ATG10: variants seen among roughly 807,000 people sequenced by gnomAD.
ATG10 encodes the protein autophagy related 10, also known as ubiquitin-like-conjugating enzyme ATG10.
Under a neutral mutation model 32.1 loss-of-function variants are expected in ATG10, and 30 were observed. The ratio of observed to expected loss-of-function variants is 0.94; its 90% CI spans 0.70 to 1.27. The LOEUF is 1.27. ATG10 is among the 50% of genes most tolerant of loss of function. The pLI is 0.00. For missense variants in ATG10, 233 were observed against 262.3 expected, an observed-to-expected ratio of 0.89 and a Z score of 0.77; for synonymous variants, 87 against 91.5, an observed-to-expected ratio of 0.95 and a Z score of 0.28.
rs567439667 is a variant in ATG10 at position 82,084,053 on chromosome 5, G to A, written c.216+25451G>A. Among the ~76,000 whole-genome samples, 11 of 152,220 alleles carry A rather than the reference G, an allele frequency of 7.2e-5. No individual in the cohort carries two copies. The East Asian group carries it at 1.7e-3, about 24-fold the overall frequency. ...TTCTCTGAGCTAAAAGAGGATGTTC[G>A]AACCCATCACAAAGAAGCTAAAAAC... On this transcript the variant is annotated intron_variant, in intron 3 of 7. Transcript: ENST00000282185.
At chr5:82,083,501 G>A (rs1022922736) in intron 3 of ATG10, among the ~76,000 whole-genome samples, 1 of 152,176 alleles carries the variant, frequency 6.6e-6, no homozygotes, top group African/African-American at 2.4e-5. Context: ...CCAGCACAGA[G>A]TTTGAGATCT....
intron 3 of ATG10, among the ~76,000 whole-genome samples, chr5:82,155,209 G>GC (rs1561329764): frequency 6.6e-6 from 1 of 152,130 alleles, no homozygotes; most frequent in Non-Finnish European, 1.5e-5. Flanking sequence ...CCAAACTTCA[G>GC]CCCATTGGAT....
At chr5:82,097,375 A>G (rs1227700751) in intron 3 of ATG10, among the ~76,000 whole-genome samples, 3 of 152,166 alleles carry the variant, frequency 2.0e-5, no homozygotes, top group African/African-American at 7.2e-5. Context: ...TCTTTTCACA[A>G]TTGCTTAAAT....
At chr5:82,082,158 G>A (rs1318111860) in intron 3 of ATG10, among the ~76,000 whole-genome samples, 3 of 152,208 alleles carry the variant, frequency 2.0e-5, no homozygotes, top group East Asian at 3.9e-4. Flanking sequence ...ATTTGGGGGG[G>A]GGGACACAGC....
chr5:82,189,179 A>G (rs577676119), intron 5 of ATG10, among the ~76,000 whole-genome samples: 2 of 152,360 alleles, frequency 1.3e-5, no homozygotes, highest in East Asian at 1.9e-4. Flanking sequence ...TAATACATAC[A>G]TATACTATAA....
intron 3 of ATG10, among the ~76,000 whole-genome samples, chr5:82,121,865 A>G (rs1027668501): frequency 9.3e-5 from 14 of 151,148 alleles, no homozygotes; most frequent in Non-Finnish European, 1.9e-4. Flanking sequence ...TCAGTTTGCA[A>G]GTATTTTGTT....
At chr5:82,155,856 T>A (rs187951925) in intron 3 of ATG10, among the ~76,000 whole-genome samples, 100 of 152,232 alleles carry the variant, frequency 6.6e-4, no homozygotes, top group African/African-American at 2.2e-3. Flanking sequence ...GGTGCAAAAT[T>A]TATTCCTTTT....
intron 2 of ATG10, among the ~76,000 whole-genome samples, chr5:82,030,834 T>C (rs1033041839): frequency 6.6e-6 from 1 of 152,198 alleles, no homozygotes; most frequent in Non-Finnish European, 1.5e-5. Context: ...TAAAATTGTG[T>C]GTTACTGTTA....
At chr5:82,012,940 G>A (rs923344617) in intron 2 of ATG10, among the ~76,000 whole-genome samples, 1 of 151,368 alleles carries the variant, frequency 6.6e-6, no homozygotes, top group East Asian at 1.9e-4. Context: ...TTACAGGGGT[G>A]ATCCATTGTA....
intron 2 of ATG10, among the ~76,000 whole-genome samples, chr5:82,041,306 T>G (rs1258978101): frequency 1.3e-5 from 2 of 152,242 alleles, no homozygotes; most frequent in African/African-American, 4.8e-5. Flanking sequence ...GGCAGAGATT[T>G]TATGTATCTT....
chr5:82,154,080 A>G (rs1473517830), intron 3 of ATG10, among the ~76,000 whole-genome samples: 1 of 152,200 alleles, frequency 6.6e-6, no homozygotes, highest in South Asian at 2.1e-4. Context: ...GTATTTCTGT[A>G]CAGCTCACAA....
At chr5:81,973,570 A>G (rs114490431) in intron 1 of ATG10, among the ~76,000 whole-genome samples, 1,823 of 152,278 alleles carry the variant, frequency 0.012, 35 homozygotes, top group African/African-American at 0.042. Context: ...TCACAGGTTC[A>G]TTTTGAGTCA....
chr5:82,041,730 T>C (rs953549193), intron 2 of ATG10, among the ~76,000 whole-genome samples: 4 of 152,138 alleles, frequency 2.6e-5, no homozygotes, highest in Non-Finnish European at 5.9e-5. Context: ...GAAATGATAC[T>C]TAGAACTCCA....
chr5:82,047,275 A>G (rs1561271914), intron 2 of ATG10, among the ~76,000 whole-genome samples: 4 of 152,174 alleles, frequency 2.6e-5, no homozygotes, highest in South Asian at 4.1e-4. Context: ...TCTCACGTCT[A>G]TGAACTGAAA....
intron 4 of ATG10, among the ~76,000 whole-genome samples, chr5:82,176,286 G>C (rs1186900099): frequency 3.3e-5 from 5 of 152,164 alleles, no homozygotes; most frequent in African/African-American, 1.2e-4. Flanking sequence ...AGCAGGAAGA[G>C]CATTGGTGAG....
At chr5:82,011,456 A>G (rs1002076710) in intron 2 of ATG10, among the ~76,000 whole-genome samples, 1 of 152,172 alleles carries the variant, frequency 6.6e-6, no homozygotes, top group Admixed American at 6.5e-5. Context: ...AGGTGATCTT[A>G]TAAAATGCAA....
intron 2 of ATG10, among the ~76,000 whole-genome samples, chr5:82,054,044 C>T (rs531698846): frequency 2.0e-4 from 31 of 152,118 alleles, no homozygotes; most frequent in Non-Finnish European, 4.3e-4. Context: ...GAGGTAGCTG[C>T]AGATTACCTG....
rs143717662 is a variant in ATG10, at chr5:82,165,146, G to A, written c.355+609G>A. Among the ~76,000 whole-genome samples, 307 of 152,258 alleles carry A rather than the reference G, an allele frequency of 2.0e-3. 1 individual carries two copies. The highest frequency in any genetic ancestry group is 3.8e-3 in the Non-Finnish European group (257 of 68,018). ...CTTATTTAATCAGCAGCCACATGGC[G>A]TCCTCACTCTGCAGCACAGCCATGG... On this transcript the variant is annotated intron_variant, in intron 4 of 7. Transcript: ENST00000282185.
intron 3 of ATG10, among the ~76,000 whole-genome samples, chr5:82,069,349 T>G (rs996031237): frequency 6.6e-6 from 1 of 152,202 alleles, no homozygotes; most frequent in Non-Finnish European, 1.5e-5. Context: ...TAGAGTATCA[T>G]TTTTACATAA....
Sources: allele counts gnomAD v4.1 joint callset (sites outside exome capture counted in the v4.1 genomes callset), GRCh38; gene constraint gnomAD v4.1.1; transcripts MANE v1.5; gene names NCBI Gene and HGNC (gene_info 2026-07-23, HGNC 2026-07-21).